PIGK: variants seen among roughly 807,000 people sequenced by gnomAD.
PIGK encodes GPI-anchor transamidase.
PIGK carries 42 observed loss-of-function variants against 50.6 expected under a neutral mutation model. That is an observed-to-expected ratio of 0.83 (90% CI 0.65 to 1.07). The LOEUF (loss-of-function observed/expected upper bound fraction) is 1.07, where lower values mean the gene tolerates loss of function less well. PIGK is among the 50% of genes least tolerant of loss of function. PIGK has a pLI of 0.00. For missense variants in PIGK, 448 were observed against 488.7 expected (o/e 0.92, Z 0.78); for synonymous variants, 151 against 156.0 (o/e 0.97, Z 0.24).
intron 8 of PIGK, among the ~76,000 whole-genome samples, chr1:77,158,430 A>C (rs1655062421): frequency 6.6e-6 from 1 of 152,156 alleles, no homozygotes; most frequent in African/African-American, 2.4e-5. Flanking sequence ...TACTGCTATT[A>C]AGATACCCGA....
intron 9 of PIGK, among the ~76,000 whole-genome samples, chr1:77,128,685 T>C (rs1228889886): frequency 6.6e-6 from 1 of 152,244 alleles, no homozygotes; most frequent in East Asian, 1.9e-4. Context: ...TACTCTGAAC[T>C]CTACTAAATC....
intron 6 of PIGK, 54 bp downstream of exon 6, chr1:77,163,792 A>T: frequency 1.1e-6 from 1 of 911,222 alleles, no homozygotes; most frequent in Non-Finnish European, 1.7e-6. Context: ...TCTACGAACC[A>T]TGTGAAAATT....
At chr1:77,111,544 G>A (rs1025822625) in intron 10 of PIGK, among the ~76,000 whole-genome samples, 1 of 150,462 alleles carries the variant, frequency 6.6e-6, no homozygotes, top group African/African-American at 2.4e-5. Flanking sequence ...ACTCATAGGT[G>A]GGAATTGAAC....
intron 3 of PIGK, among the ~76,000 whole-genome samples, chr1:77,186,440 G>T (rs1655743755): frequency 6.6e-6 from 1 of 152,240 alleles, no homozygotes; most frequent in African/African-American, 2.4e-5. Flanking sequence ...TGATTCATGG[G>T]CTGTAGCCAA....
chr1:77,209,177 A>G (rs947802914), intron 2 of PIGK, among the ~76,000 whole-genome samples: 4 of 152,080 alleles, frequency 2.6e-5, no homozygotes, highest in African/African-American at 4.8e-5. Flanking sequence ...ATCCTTGTAC[A>G]TGTTTTTTCA....
chr1:77,135,299 T>C (rs1654473547), intron 9 of PIGK, among the ~76,000 whole-genome samples: 1 of 152,114 alleles, frequency 6.6e-6, no homozygotes, highest in Non-Finnish European at 1.5e-5. Flanking sequence ...GAGTTTAACA[T>C]GCTTTTCTCT....
chr1:77,141,613 C>T (rs564360971), intron 9 of PIGK, among the ~76,000 whole-genome samples: 30 of 152,092 alleles, frequency 2.0e-4, no homozygotes, highest in African/African-American at 7.0e-4. Flanking sequence ...TAATACAGCT[C>T]GTCAATGTTG....
At chr1:77,159,227 G>A (rs957735501) in intron 8 of PIGK, among the ~76,000 whole-genome samples, 5 of 152,164 alleles carry the variant, frequency 3.3e-5, no homozygotes, top group African/African-American at 1.2e-4. Context: ...TACACATGGT[G>A]TTAAGCCTGA....
At chr1:77,188,912 G>C (rs1426498167) in intron 3 of PIGK, among the ~76,000 whole-genome samples, 2 of 152,188 alleles carry the variant, frequency 1.3e-5, no homozygotes, top group Non-Finnish European at 2.9e-5. Flanking sequence ...GAAGGCAAAA[G>C]GAATACAGGA....
At chr1:77,105,993 T>A (rs1653660936) in intron 10 of PIGK, among the ~76,000 whole-genome samples, 1 of 152,230 alleles carries the variant, frequency 6.6e-6, no homozygotes, top group Admixed American at 6.5e-5. Flanking sequence ...TAATCTTGAA[T>A]TATACGGAAA....
At chr1:77,158,614 G>C (rs1348265244) in intron 8 of PIGK, among the ~76,000 whole-genome samples, 2 of 152,168 alleles carry the variant, frequency 1.3e-5, no homozygotes, top group Non-Finnish European at 2.9e-5. Context: ...GGAACTACTG[G>C]GAATTGGAGC....
intron 1 of PIGK, among the ~76,000 whole-genome samples, chr1:77,214,783 A>G (rs1220672475): frequency 1.3e-5 from 2 of 152,210 alleles, no homozygotes; most frequent in Non-Finnish European, 2.9e-5. Context: ...CTTAGAACTG[A>G]TAAGACTAAT....
At position 77,171,786 on chromosome 1, in the gene PIGK, T is replaced by C. The variant is rs974286881; in HGVS notation, c.240-2391A>G. 8.5e-5 allele frequency among the ~76,000 whole-genome samples: 13 copies of C among 152,234 alleles called. No homozygotes were observed. The East Asian group carries it at 2.3e-3, about 27-fold the overall frequency. The stretch of plus-strand genomic sequence containing the variant: ...TTCACTGTTTCTAAAACTTAAGAAA[T>C]GTACAGAACTCTTTTCTAGAGAAAA... On this transcript the variant is annotated intron_variant, in intron 3 of 10. Transcript: ENST00000370812.
At chr1:77,154,364 C>T (rs1654960220) in intron 9 of PIGK, 85 bp downstream of exon 9, 21 of 972,720 alleles carry the variant, frequency 2.2e-5, no homozygotes, top group Non-Finnish European at 3.1e-5. Flanking sequence ...CAAACACCAA[C>T]TTTTGCCTCT....
chr1:77,149,216 A>C (rs1654840021), intron 9 of PIGK, among the ~76,000 whole-genome samples: 1 of 152,170 alleles, frequency 6.6e-6, no homozygotes, highest in South Asian at 2.1e-4. Context: ...ACAAATAACA[A>C]AATGGCTACA....
chr1:77,196,538 G>A (rs1656041662), intron 3 of PIGK, among the ~76,000 whole-genome samples: 1 of 152,140 alleles, frequency 6.6e-6, no homozygotes, highest in Non-Finnish European at 1.5e-5. Context: ...GTATCTCACT[G>A]TGGTTTTGAT....
intron 6 of PIGK, among the ~76,000 whole-genome samples, chr1:77,163,345 T>C (rs756113180): frequency 4.6e-5 from 7 of 152,306 alleles, no homozygotes; most frequent in Non-Finnish European, 7.4e-5. Flanking sequence ...TTTTTTCACT[T>C]ACAGTCATAT....
intron 10 of PIGK, among the ~76,000 whole-genome samples, chr1:77,106,436 G>T (rs1050184583): frequency 6.6e-6 from 1 of 152,056 alleles, no homozygotes; most frequent in Non-Finnish European, 1.5e-5. Context: ...TATTAAAAAT[G>T]ATCATAAACA....
chr1:77,129,313 T>A, intron 9 of PIGK: 2 of 1,596,646 alleles, frequency 1.3e-6, no homozygotes, highest in Non-Finnish European at 8.6e-7. Context: ...AATGGTGGAG[T>A]TGGCAGGTGT....
Sources: allele counts gnomAD v4.1 joint callset (sites outside exome capture counted in the v4.1 genomes callset), GRCh38; gene constraint gnomAD v4.1.1; transcripts MANE v1.5; gene names NCBI Gene and HGNC (gene_info 2026-07-23, HGNC 2026-07-21).